SYN3: variants seen among roughly 807,000 people sequenced by gnomAD.
The protein encoded by SYN3 is synapsin-3.
In SYN3, 35 loss-of-function variants were observed where a neutral mutation model predicts 65.8. That is an observed-to-expected ratio of 0.53 (90% CI 0.41 to 0.70). The LOEUF is 0.70. Ranked by LOEUF, SYN3 falls within the 30% of genes least tolerant of loss-of-function variation. The probability of loss-of-function intolerance (pLI) is 0.00; values close to 1 mark genes in which losing one functional copy is unlikely to be tolerated. For synonymous variants in SYN3, 270 were observed against 292.9 expected (o/e 0.92, Z 0.80); for missense variants, 680 against 749.0 (o/e 0.91, Z 1.08).
intron 7 of SYN3, among the ~76,000 whole-genome samples, chr22:32,565,819 C>A (rs1477887988): frequency 6.6e-6 from 1 of 152,070 alleles, no homozygotes; most frequent in Non-Finnish European, 1.5e-5. Flanking sequence ...TCACACCATT[C>A]TCTTGCCTCA....
intron 1 of SYN3, among the ~76,000 whole-genome samples, chr22:33,008,924 C>CAAAAAAAA (rs201719238): frequency 1.1e-3 from 63 of 57,076 alleles, no homozygotes; most frequent in Non-Finnish European, 1.6e-3. Context: ...GACTTTATCT[C>CAAAAAAAA]AAAAAAAAAA....
rs558985583 is a variant in SYN3 at position 32,534,437 on chromosome 22, C to T, written c.993-542G>A. Among the ~76,000 whole-genome samples the T allele has an allele frequency of 4.2e-4, 60 of 141,214 alleles. 1 individual carries two copies. The highest frequency in any genetic ancestry group is 7.6e-4 in the Admixed American group (11 of 14,432). The allele number at this position is 141,214 out of a possible 152,430, so 92.6% of individuals were successfully genotyped here. On this transcript the variant is annotated intron_variant, in intron 9 of 13. Coordinates refer to ENST00000358763, the MANE Select transcript of SYN3 (RefSeq NM_003490.4). ...GGTGCATTTTTCCCAGGGCCCGGGG[C>T]GGGTGGGCTGGGGAGACTGGCAGGC...
At chr22:32,618,562 AT>A (rs200937228) in intron 6 of SYN3, among the ~76,000 whole-genome samples, 1 of 152,106 alleles carries the variant, frequency 6.6e-6, no homozygotes, top group South Asian at 2.1e-4. Flanking sequence ...GGCAATGTTC[AT>A]TTTCCCCCCT....
chr22:32,610,179 G>C (rs1043312654), intron 6 of SYN3, among the ~76,000 whole-genome samples: 75 of 152,050 alleles, frequency 4.9e-4, no homozygotes, highest in African/African-American at 1.6e-3. Flanking sequence ...TACTCGGGAG[G>C]CTGAGGCAGG....
At chr22:32,535,898 G>T (rs2146202492) in intron 9 of SYN3, among the ~76,000 whole-genome samples, 1 of 152,334 alleles carries the variant, frequency 6.6e-6, no homozygotes, top group African/African-American at 2.4e-5. Context: ...GGAGGGCGGG[G>T]TCAGGCCCTG....
At chr22:32,818,985 C>G (rs566662355) in intron 6 of SYN3, among the ~76,000 whole-genome samples, 5 of 152,364 alleles carry the variant, frequency 3.3e-5, no homozygotes, top group African/African-American at 1.2e-4. Flanking sequence ...GCCTCCTCCT[C>G]CTCTGACACA....
chr22:32,646,223 C>T (rs131065), intron 6 of SYN3, among the ~76,000 whole-genome samples: 33,516 of 152,106 alleles, frequency 0.22, 4,167 homozygotes, highest in Non-Finnish European at 0.28. Context: ...CAGCTGAGCA[C>T]CTAGTGATGG....
At chr22:32,819,703 C>T (rs73158323) in intron 6 of SYN3, among the ~76,000 whole-genome samples, 153 of 152,210 alleles carry the variant, frequency 1.0e-3, no homozygotes, top group South Asian at 3.3e-3. Context: ...CTCTAGGGGC[C>T]GCGTCTCCCA....
At chr22:33,053,345 C>T (rs964112245) in intron 1 of SYN3, among the ~76,000 whole-genome samples, 3 of 152,122 alleles carry the variant, frequency 2.0e-5, no homozygotes, top group African/African-American at 7.2e-5. Context: ...ATCACTTGAA[C>T]CCAGGAGGCG....
At chr22:32,649,802 A>G (rs903157458) in intron 6 of SYN3, among the ~76,000 whole-genome samples, 1 of 152,246 alleles carries the variant, frequency 6.6e-6, no homozygotes, top group African/African-American at 2.4e-5. Context: ...AAATAGGGAC[A>G]GGGCGGTAAC....
chr22:32,962,053 C>CA (rs940577291), intron 3 of SYN3, among the ~76,000 whole-genome samples: 3 of 148,368 alleles, frequency 2.0e-5, no homozygotes, highest in African/African-American at 7.5e-5. Context: ...ACTGAGGCAG[C>CA]AAAAAAATGT....
At chr22:32,638,543 T>TG in intron 6 of SYN3, among the ~76,000 whole-genome samples, 1 of 152,236 alleles carries the variant, frequency 6.6e-6, no homozygotes, top group Non-Finnish European at 1.5e-5. Context: ...GGTTTTGATT[T>TG]GCATTTCTCT....
At position 32,859,434 on chromosome 22, in the gene SYN3, A is replaced by C. The variant is rs1346742476; in HGVS notation, c.711+5481T>G. On this transcript the variant is annotated intron_variant, in intron 6 of 13. Transcript: ENST00000358763. ...CCTTCCCGCTGAGCTTCCCTTGGAC[A>C]CTAACTCTTCCCAGATGATGACAAT... The C allele has an allele frequency of 2.6e-6, 4 of 1,560,258 alleles. No individual in the cohort carries two copies. In the Admixed American group the frequency reaches 7.3e-5, roughly 29 times the overall value.
At chr22:33,045,912 C>T (rs1360700048) in intron 1 of SYN3, among the ~76,000 whole-genome samples, 7 of 151,554 alleles carry the variant, frequency 4.6e-5, no homozygotes, top group Admixed American at 4.0e-4. Flanking sequence ...CAGAATGATT[C>T]TCTAAAAACA....
chr22:32,957,239 C>T (rs1601783575), intron 3 of SYN3, among the ~76,000 whole-genome samples: 1 of 152,154 alleles, frequency 6.6e-6, no homozygotes, highest in Non-Finnish European at 1.5e-5. Context: ...CCAAGCTGCC[C>T]AAGGGTTAAG....
intron 1 of SYN3, among the ~76,000 whole-genome samples, chr22:33,038,509 C>T (rs988268648): frequency 2.4e-4 from 36 of 152,308 alleles, no homozygotes; most frequent in African/African-American, 8.7e-4. Context: ...ACATCCTTTC[C>T]CCCAGGGTCC....
At chr22:32,641,641 C>A (rs1454148806) in intron 6 of SYN3, among the ~76,000 whole-genome samples, 1 of 141,782 alleles carries the variant, frequency 7.1e-6, no homozygotes, top group East Asian at 2.1e-4. Flanking sequence ...TTGCCTAGGG[C>A]TGTTGGGGTG....
At chr22:32,605,658 C>A (rs2059362178) in intron 6 of SYN3, among the ~76,000 whole-genome samples, 2 of 152,192 alleles carry the variant, frequency 1.3e-5, no homozygotes, top group Non-Finnish European at 2.9e-5. Flanking sequence ...TAGGATTCAG[C>A]CAGAGCCACC....
At chr22:33,013,091 G>A (rs1439681634) in intron 1 of SYN3, among the ~76,000 whole-genome samples, 3 of 152,148 alleles carry the variant, frequency 2.0e-5, no homozygotes, top group African/African-American at 4.8e-5. Context: ...GGGTTGAAGG[G>A]ATCTTAGAGT....
Sources: gnomAD v4.1 joint callset for allele counts (sites outside exome capture counted in the v4.1 genomes callset) on GRCh38, gnomAD v4.1.1 for gene constraint, MANE v1.5 for transcripts, NCBI Gene and HGNC (gene_info 2026-07-23, HGNC 2026-07-21) for gene names.